Variants in NIBAN1 observed in about 807,000 individuals in gnomAD.
NIBAN1 encodes protein Niban 1.
A neutral mutation model predicts 75.1 loss-of-function variants in NIBAN1; 81 were observed. That is an observed-to-expected ratio of 1.08 (90% CI 0.90 to 1.30). NIBAN1 has a LOEUF of 1.30. Ranked by LOEUF, NIBAN1 falls within the 50% of genes most tolerant of loss-of-function variation. The pLI, the probability that NIBAN1 is intolerant of heterozygous loss-of-function variation, is 0.00. For synonymous variants in NIBAN1, 436 were observed against 424.8 expected, an observed-to-expected ratio of 1.03 and a Z score of -0.32; for missense variants, 1,133 against 1,128.1, an observed-to-expected ratio of 1.00 and a Z score of -0.06.
rs562448693 is a variant in NIBAN1 at position 184,899,231 on chromosome 1, C to A, written c.134G>T (p.Arg45Leu). 2.5e-6 allele frequency: 4 copies of A among 1,613,796 alleles called. No homozygotes were observed. In the African/African-American group the frequency reaches 5.3e-5, roughly 22 times the overall value. The change falls in exon 2 of 14, where the codon CGC becomes CTC. Residue 45 changes from arginine to leucine, a missense_variant. Physicochemically the swap from Arg to Leu is moderately radical, Grantham distance 102. Coordinates refer to ENST00000367511, the MANE Select transcript of NIBAN1 (RefSeq NM_052966.4). ...ATCTCTTTGCTGTTCTACTTCAGTG[C>A]GCACGTGATTGCAGAAAGCCACAGA... ...QYSVAFCNHV[R>L]TEVEQQRDLT...
Position 184,803,708 on chromosome 1 carries a change from CAT to C in NIBAN1, c.1447-18_1447-17del, listed in dbSNP as rs1557869974. 7 of 1,604,252 alleles carry C rather than the reference CAT, an allele frequency of 4.4e-6. No individual in the cohort carries two copies. The highest frequency in any genetic ancestry group is 3.3e-5 in the Admixed American group (2 of 59,906). The stretch of plus-strand genomic sequence containing the variant: ...AATCATATTGCTGTCAATAAAGAAA[CAT>C]ATGTTAAATAGTAACATTACAATCT... On this transcript the variant is annotated splice_polypyrimidine_tract_variant and intron_variant, in intron 11 of 13. Coordinates refer to ENST00000367511, the MANE Select transcript of NIBAN1 (RefSeq NM_052966.4).
chr1:184,816,245 C>G (rs1654530557), intron 9 of NIBAN1, among the ~76,000 whole-genome samples: 2 of 152,186 alleles, frequency 1.3e-5, no homozygotes, highest in Admixed American at 1.3e-4. Context: ...TAATAGTCTT[C>G]CTGGTGTGCT....
intron 1 of NIBAN1, among the ~76,000 whole-genome samples, chr1:184,963,260 A>C (rs965804456): frequency 6.6e-6 from 1 of 152,162 alleles, no homozygotes; most frequent in Non-Finnish European, 1.5e-5. Flanking sequence ...TTTATGATTA[A>C]AAATTTTAAG....
At chr1:184,798,271 C>T (rs1653932788) in intron 12 of NIBAN1, 81 bp from the exon 13 acceptor site, 1 of 815,200 alleles carries the variant, frequency 1.2e-6, no homozygotes, top group Non-Finnish European at 1.9e-6. Context: ...AGGACGATTC[C>T]CACTCATGAT....
chr1:184,875,031 A>G (rs1367885040), intron 5 of NIBAN1, among the ~76,000 whole-genome samples: 1 of 152,192 alleles, frequency 6.6e-6, no homozygotes, highest in East Asian at 1.9e-4. Flanking sequence ...GACATAGAGT[A>G]TATATTTGGA....
chr1:184,950,700 G>A (rs906334616), intron 1 of NIBAN1, among the ~76,000 whole-genome samples: 3 of 152,174 alleles, frequency 2.0e-5, no homozygotes, highest in African/African-American at 7.2e-5. Context: ...ATTAGGTTAT[G>A]CTAGAAATGA....
At chr1:184,873,383 T>C (rs1268032081) in intron 5 of NIBAN1, among the ~76,000 whole-genome samples, 1 of 152,182 alleles carries the variant, frequency 6.6e-6, no homozygotes, top group African/African-American at 2.4e-5. Context: ...ATTGATTATT[T>C]TGAGCCAAAG....
intron 1 of NIBAN1, among the ~76,000 whole-genome samples, chr1:184,935,304 G>A (rs1180748964): frequency 2.6e-5 from 4 of 151,926 alleles, no homozygotes; most frequent in Non-Finnish European, 4.4e-5. Context: ...CCAGCAGTTC[G>A]AGACCAGCCT....
At chr1:184,938,876 TCATGGCCGATATCC>T (rs1658024118) in intron 1 of NIBAN1, among the ~76,000 whole-genome samples, 1 of 152,240 alleles carries the variant, frequency 6.6e-6, no homozygotes, top group Non-Finnish European at 1.5e-5. Context: ...GCTCCAGTAA[TCATGGCCGATATCC>T]CATGGCCAGT....
At chr1:184,895,313 G>A (rs1656770280) in intron 2 of NIBAN1, among the ~76,000 whole-genome samples, 1 of 152,080 alleles carries the variant, frequency 6.6e-6, no homozygotes, top group African/African-American at 2.4e-5. Context: ...TTAAAACCTG[G>A]ACCACTTAAT....
chr1:184,842,342 C>T (rs1244626797), intron 5 of NIBAN1, among the ~76,000 whole-genome samples: 1 of 152,188 alleles, frequency 6.6e-6, no homozygotes, highest in East Asian at 1.9e-4. Flanking sequence ...TGGGGCAGGG[C>T]CCAAGAATTT....
chr1:184,795,562 C>A lies in NIBAN1; in HGVS notation c.2202G>T (p.Thr734=). The A allele has an allele frequency of 1.9e-6, 3 of 1,614,176 alleles. No individual in the cohort carries two copies. Among genetic ancestry groups the A allele is most frequent in the Non-Finnish European group, 2.5e-6 (3 of 1,180,046 alleles). The change falls in exon 14 of 14, where the codon ACG becomes ACT. Residue 734 remains threonine (T), a synonymous_variant. Coordinates refer to ENST00000367511, the MANE Select transcript of NIBAN1 (RefSeq NM_052966.4). ...VDSAPVMEED[T]NGESHVPQEN... ...CTTGGGGAACGTGGCTCTCCCCATT[C>A]GTATCTTCTTCCATCACTGGAGCAG...
chr1:184,941,689 A>G (rs1262645490), intron 1 of NIBAN1, among the ~76,000 whole-genome samples: 4 of 151,812 alleles, frequency 2.6e-5, no homozygotes, highest in Non-Finnish European at 1.5e-5. Context: ...AAGATCCCAT[A>G]GATCTGAATT....
At chr1:184,966,235 T>C (rs1209191737) in intron 1 of NIBAN1, among the ~76,000 whole-genome samples, 2 of 152,220 alleles carry the variant, frequency 1.3e-5, no homozygotes, top group East Asian at 3.8e-4. Context: ...GGCAGAGTAA[T>C]GTGGCGCCAT....
chr1:184,956,057 C>A (rs2102070621), intron 1 of NIBAN1, among the ~76,000 whole-genome samples: 1 of 149,492 alleles, frequency 6.7e-6, no homozygotes, highest in Middle Eastern at 3.4e-3. Context: ...GAGCCAAATT[C>A]TCACTCTTGC....
intron 1 of NIBAN1, among the ~76,000 whole-genome samples, chr1:184,942,373 T>C (rs1322530179): frequency 6.6e-6 from 1 of 152,260 alleles, no homozygotes; most frequent in Non-Finnish European, 1.5e-5. Flanking sequence ...ACCACATCTC[T>C]AGCATAGTAG....
intron 5 of NIBAN1, among the ~76,000 whole-genome samples, chr1:184,881,356 A>T (rs1011000470): frequency 1.3e-5 from 2 of 152,174 alleles, no homozygotes; most frequent in Non-Finnish European, 2.9e-5. Flanking sequence ...GAATGAATGA[A>T]CATGAAAATG....
At chr1:184,868,388 A>G (rs560818954) in intron 5 of NIBAN1, 1 of 152,210 alleles carries the variant, frequency 6.6e-6, no homozygotes, top group Non-Finnish European at 1.5e-5. Context: ...AACACAAAGA[A>G]CTGGTAATAG....
At chr1:184,927,037 T>A (rs1474086892) in intron 1 of NIBAN1, among the ~76,000 whole-genome samples, 6 of 152,238 alleles carry the variant, frequency 3.9e-5, no homozygotes. Flanking sequence ...GTTAAATTTA[T>A]CTGATAGGAT....
Sources: gnomAD v4.1 joint callset for allele counts (sites outside exome capture counted in the v4.1 genomes callset) on GRCh38, gnomAD v4.1.1 for gene constraint, MANE v1.5 for transcripts, NCBI Gene and HGNC (gene_info 2026-07-23, HGNC 2026-07-21) for gene names.